Variants in ZNF2 observed in about 807,000 individuals in gnomAD.
The protein encoded by ZNF2 is zinc finger protein 2.
ZNF2 carries 12 observed loss-of-function variants against 21.9 expected under a neutral mutation model. The observed-to-expected ratio is 0.55, with a 90% confidence interval of 0.35 to 0.89. ZNF2 has a LOEUF of 0.89. Among genes scored for constraint, ZNF2 ranks in the 40% least tolerant of loss-of-function variants. The pLI is 0.01. For missense variants in ZNF2, 462 were observed against 544.2 expected, an observed-to-expected ratio of 0.85 and a Z score of 1.50; for synonymous variants, 186 against 196.3, an observed-to-expected ratio of 0.95 and a Z score of 0.44.
intron 1 of ZNF2, among the ~76,000 whole-genome samples, chr2:95,175,100 C>T (rs1674396688): frequency 6.6e-6 from 1 of 152,050 alleles, no homozygotes; most frequent in Admixed American, 6.6e-5. Flanking sequence ...CTTGAGAACT[C>T]CTGGCCTCAA....
intron 1 of ZNF2, 43 bp from the exon 2 acceptor site, chr2:95,176,145 T>G: frequency 6.4e-7 from 1 of 1,568,704 alleles, no homozygotes; most frequent in Non-Finnish European, 8.8e-7. Flanking sequence ...AGGACTGGTC[T>G]TTCTCCTACC....
intron 3 of ZNF2, among the ~76,000 whole-genome samples, chr2:95,178,081 G>GAT (rs574939912): frequency 6.6e-6 from 1 of 152,202 alleles, no homozygotes; most frequent in East Asian, 1.9e-4. Flanking sequence ...GAGGTCACCA[G>GAT]ATATATGTTT....
chr2:95,177,681 A>T, intron 3 of ZNF2, 72 bp downstream of exon 3: 1 of 1,531,214 alleles, frequency 6.5e-7, no homozygotes, highest in Non-Finnish European at 8.8e-7. Context: ...TGAGGAATTA[A>T]TACCGTTCTC....
rs1396579980 is a variant in ZNF2 at position 95,181,899 on chromosome 2, A to G, written c.1071A>G (p.Thr357=). ...GKAFFDRSSL[T]QHQKIHTGDK... is the part of the protein sequence containing the mutation. ...CTTTCTTTGACCGCTCATCCCTTACACAGCATCAGAAGATCCACACTGGAG... is the reference window on the plus strand; with the variant it reads ...CTTTCTTTGACCGCTCATCCCTTACGCAGCATCAGAAGATCCACACTGGAG... The change falls in exon 5 of 5, where the codon ACA becomes ACG. Residue 357 remains threonine (T), a synonymous_variant. Coordinates refer to ENST00000614034, the MANE Select transcript of ZNF2 (RefSeq NM_021088.4). 6.8e-6 allele frequency: 11 copies of G among 1,613,918 alleles called. No homozygotes were observed. The Admixed American group carries it at 1.3e-4, about 20-fold the overall frequency.
chr2:95,179,949 T>C (rs1674579275), intron 3 of ZNF2, among the ~76,000 whole-genome samples: 1 of 152,032 alleles, frequency 6.6e-6, no homozygotes, highest in South Asian at 2.1e-4. Context: ...TCCAGCTACT[T>C]GGGAGGCTGA....
intron 1 of ZNF2, among the ~76,000 whole-genome samples, chr2:95,175,483 G>A (rs1674410405): frequency 6.6e-6 from 1 of 152,152 alleles, no homozygotes; most frequent in Non-Finnish European, 1.5e-5. Flanking sequence ...TACCTCCCAT[G>A]TGCCCATGGG....
chr2:95,180,549 G>C (rs1223571421), intron 4 of ZNF2, among the ~76,000 whole-genome samples: 1 of 142,370 alleles, frequency 7.0e-6, no homozygotes, highest in Non-Finnish European at 1.5e-5. Flanking sequence ...TCGCTCTGTT[G>C]CCCAGGCTGG....
chr2:95,181,715 AGAAAAGTATTCT>A lies in ZNF2; in HGVS notation c.888_899del (p.Gln296_Leu300delinsHis). The A allele has an allele frequency of 5.0e-6, 8 of 1,614,244 alleles. No homozygotes were observed. Among genetic ancestry groups the A allele is most frequent in the Non-Finnish European group, 6.8e-6 (8 of 1,180,044 alleles). On this transcript the variant is annotated inframe_deletion, in exon 5 of 5. Coordinates refer to ENST00000614034, the MANE Select transcript of ZNF2 (RefSeq NM_021088.4). ...CATCAGTGTGGGAAAGCCTTTAGCCAGAAAAGTATTCTTACTCGCCATCAGCTAATCCACACT... is the reference window on the plus strand; with the variant it reads ...CATCAGTGTGGGAAAGCCTTTAGCCATACTCGCCATCAGCTAATCCACACT...
chr2:95,174,075 C>T, intron 1 of ZNF2, among the ~76,000 whole-genome samples: 1 of 152,120 alleles, frequency 6.6e-6, no homozygotes, highest in East Asian at 1.9e-4. Flanking sequence ...ACCAAGTCTC[C>T]AGATGTTTAA....
At chr2:95,172,786 G>A (rs2104499323) in intron 1 of ZNF2, among the ~76,000 whole-genome samples, 1 of 151,888 alleles carries the variant, frequency 6.6e-6, no homozygotes, top group South Asian at 2.1e-4. Context: ...ACAGCCACGT[G>A]CCATCATGCC....
chr2:95,178,553 A>C (rs571831270), intron 3 of ZNF2, among the ~76,000 whole-genome samples: 1 of 152,178 alleles, frequency 6.6e-6, no homozygotes, highest in African/African-American at 2.4e-5. Flanking sequence ...TTGTCAACAG[A>C]GAATCCACAG....
At chr2:95,172,084 C>T (rs1321494338) in intron 1 of ZNF2, among the ~76,000 whole-genome samples, 4 of 152,186 alleles carry the variant, frequency 2.6e-5, no homozygotes, top group East Asian at 1.9e-4. Context: ...CCCCCAGCAA[C>T]GAAAATGCAG....
At position 95,181,386 on chromosome 2, in the gene ZNF2, A is replaced by T; in HGVS notation, c.558A>T (p.Ser186=). ...SDCGKTFFDH[S]SLTRHQRTHT... ...GTGGGAAGACCTTTTTTGACCACTC[A>T]TCCCTCACCCGCCATCAGAGGACTC... Residue 186 remains serine, a synonymous_variant, in exon 5 of 5, where the codon TCA becomes TCT. Transcript: ENST00000614034. The T allele has an allele frequency of 6.2e-7, 1 of 1,614,132 alleles. No individual in the cohort carries two copies. Among genetic ancestry groups the T allele is most frequent in the Non-Finnish European group, 8.5e-7 (1 of 1,180,010 alleles).
intron 1 of ZNF2, among the ~76,000 whole-genome samples, chr2:95,168,424 CAAAAAAAA>C (rs5832794): frequency 2.6e-5 from 3 of 115,766 alleles, no homozygotes; most frequent in African/African-American, 8.8e-5. Context: ...GACTCCGTCT[CAAAAAAAA>C]AAAAAAAAAA....
chr2:95,170,703 C>G (rs1295035219), intron 1 of ZNF2, among the ~76,000 whole-genome samples: 1 of 152,170 alleles, frequency 6.6e-6, no homozygotes, highest in Non-Finnish European at 1.5e-5. Flanking sequence ...ATTCATAAGT[C>G]TAGCTGTAGG....
intron 2 of ZNF2, among the ~76,000 whole-genome samples, chr2:95,177,214 AT>A (rs1674476406): frequency 6.6e-6 from 1 of 152,136 alleles, no homozygotes; most frequent in Non-Finnish European, 1.5e-5. Flanking sequence ...GTACACAGGA[AT>A]TTTTTTGTGC....
intron 3 of ZNF2, 60 bp downstream of exon 3, chr2:95,177,669 G>A: frequency 1.3e-6 from 2 of 1,556,984 alleles, no homozygotes; most frequent in Admixed American, 1.9e-5. Flanking sequence ...GGCTGAGAGG[G>A]CTGAGGAATT....
intron 3 of ZNF2, among the ~76,000 whole-genome samples, chr2:95,178,748 T>G (rs1030224547): frequency 6.6e-6 from 1 of 152,212 alleles, no homozygotes; most frequent in Non-Finnish European, 1.5e-5. Context: ...TAGTCCATGG[T>G]GTATGCAGAT....
rs749096962 is a variant in ZNF2, at chr2:95,182,120, T to C, written c.*14T>C. On this transcript the variant is annotated 3_prime_UTR_variant, in exon 5 of 5. Transcript: ENST00000614034. ...GGAATAGACTGAGTTGGGCAAAAGC[T>C]TGGGTAGGACAAGAACTTCCATACA... The C allele has an allele frequency of 4.3e-5, 68 of 1,580,226 alleles. No individual in the cohort carries two copies. The highest frequency in any genetic ancestry group is 5.7e-5 in the Non-Finnish European group (66 of 1,161,212).
Sources: allele counts gnomAD v4.1 joint callset (sites outside exome capture counted in the v4.1 genomes callset), GRCh38; gene constraint gnomAD v4.1.1; transcripts MANE v1.5; gene names NCBI Gene and HGNC (gene_info 2026-07-23, HGNC 2026-07-21).